The following IPCEF1 variants were observed in gnomAD, a reference collection of about 807,000 sequenced individuals.
The protein encoded by IPCEF1 is interaction protein for cytohesin exchange factors 1, also known as interactor protein for cytohesin exchange factors 1.
A neutral mutation model predicts 50.9 loss-of-function variants in IPCEF1; 31 were observed. That is an observed-to-expected ratio of 0.61 (90% confidence interval 0.46 to 0.82). The LOEUF (loss-of-function observed/expected upper bound fraction) is 0.82, where lower values mean the gene tolerates loss of function less well. Ranked by LOEUF, IPCEF1 falls within the 40% of genes least tolerant of loss-of-function variation. The probability of loss-of-function intolerance (pLI) is 0.00; values close to 1 mark genes in which losing one functional copy is unlikely to be tolerated. For synonymous variants in IPCEF1, 181 were observed against 192.0 expected (o/e 0.94, Z 0.47); for missense variants, 458 against 514.0 (o/e 0.89, Z 1.05).
intron 1 of IPCEF1, among the ~76,000 whole-genome samples, chr6:154,326,329 C>T (rs1052781746): frequency 1.3e-5 from 2 of 152,118 alleles, no homozygotes; most frequent in Admixed American, 6.6e-5. Context: ...CCCATCACCT[C>T]AGCCCAAAAC....
chr6:154,188,852 A>G lies in IPCEF1; in HGVS notation c.910+10816T>C, dbSNP rs112079003. On this transcript the variant is annotated intron_variant, in intron 10 of 11. Coordinates refer to ENST00000367220, the MANE Select transcript of IPCEF1 (RefSeq NM_001130700.2). ...TTGTATCTCATTCATGGAACACATC[A>G]AAATAATTCCAAGTGGACTAACGTT... Among the ~76,000 whole-genome samples the G allele has an allele frequency of 5.4e-3, 829 of 152,338 alleles. 4 individuals are homozygous for G. Among genetic ancestry groups the G allele is most frequent in the Non-Finnish European group, 8.3e-3 (564 of 68,028 alleles).
chr6:154,343,293 C>T (rs985910313), intron 1 of IPCEF1, among the ~76,000 whole-genome samples: 6 of 152,140 alleles, frequency 3.9e-5, no homozygotes, highest in African/African-American at 1.4e-4. Flanking sequence ...AGCATTATGT[C>T]ATGTGCTTCT....
At chr6:154,232,982 T>TA (rs1779840509) in intron 5 of IPCEF1, among the ~76,000 whole-genome samples, 1 of 151,404 alleles carries the variant, frequency 6.6e-6, no homozygotes, top group Admixed American at 6.6e-5. Flanking sequence ...TTTTTTTTTT[T>TA]TTTGAGATGG....
At chr6:154,217,131 T>C (rs1052614809) in intron 7 of IPCEF1, 17 of 164,060 alleles carry the variant, frequency 1.0e-4, no homozygotes, top group East Asian at 9.9e-4. Flanking sequence ...AAGGGTGGAG[T>C]TGGTAGGTAT....
chr6:154,295,833 A>G (rs1382032127), intron 1 of IPCEF1, among the ~76,000 whole-genome samples: 1 of 152,024 alleles, frequency 6.6e-6, no homozygotes, highest in African/African-American at 2.4e-5. Context: ...TCTGACAGCC[A>G]GGAGGTGACT....
intron 1 of IPCEF1, among the ~76,000 whole-genome samples, chr6:154,318,606 C>A (rs568311961): frequency 1.1e-4 from 16 of 150,648 alleles, no homozygotes; most frequent in African/African-American, 3.7e-4. Context: ...AGTCTCAGCA[C>A]TTTGGGAGGC....
chr6:154,194,657 T>C (rs1368205017), intron 10 of IPCEF1, among the ~76,000 whole-genome samples: 2 of 152,126 alleles, frequency 1.3e-5, no homozygotes, highest in Non-Finnish European at 2.9e-5. Flanking sequence ...TCCTAACTCC[T>C]AGCTTCAGGA....
intron 1 of IPCEF1, among the ~76,000 whole-genome samples, chr6:154,325,389 G>C (rs1180349518): frequency 6.6e-6 from 1 of 152,208 alleles, no homozygotes; most frequent in Non-Finnish European, 1.5e-5. Flanking sequence ...AAACTGGTTA[G>C]TGATTGCTTC....
intron 10 of IPCEF1, among the ~76,000 whole-genome samples, chr6:154,179,913 C>A (rs1800686139): frequency 6.6e-6 from 1 of 152,056 alleles, no homozygotes; most frequent in Non-Finnish European, 1.5e-5. Context: ...TGGGATTGTG[C>A]CGAGATTGTA....
chr6:154,319,253 G>A (rs1783311409), intron 1 of IPCEF1, among the ~76,000 whole-genome samples: 1 of 152,070 alleles, frequency 6.6e-6, no homozygotes, highest in Non-Finnish European at 1.5e-5. Flanking sequence ...CATAAGCCAT[G>A]CATGGTAAAT....
chr6:154,337,523 C>T (rs1468274627), intron 1 of IPCEF1, among the ~76,000 whole-genome samples: 2 of 152,112 alleles, frequency 1.3e-5, no homozygotes, highest in African/African-American at 4.8e-5. Context: ...TACCAGGAGA[C>T]AAGACACAAG....
intron 3 of IPCEF1, among the ~76,000 whole-genome samples, 179 bp downstream of exon 3, chr6:154,265,733 G>A (rs1189925330): frequency 6.6e-6 from 1 of 152,090 alleles, no homozygotes; most frequent in Middle Eastern, 3.2e-3. Flanking sequence ...AAATCTAGAG[G>A]TCTTAAATGC....
At chr6:154,211,265 A>G (rs1777938081) in intron 9 of IPCEF1, among the ~76,000 whole-genome samples, 1 of 151,938 alleles carries the variant, frequency 6.6e-6, no homozygotes, top group Non-Finnish European at 1.5e-5. Flanking sequence ...AAATACAAAA[A>G]ATTAGCCGGG....
intron 10 of IPCEF1, among the ~76,000 whole-genome samples, chr6:154,175,689 C>T (rs1474439250): frequency 1.3e-5 from 2 of 151,892 alleles, no homozygotes; most frequent in Non-Finnish European, 2.9e-5. Context: ...AATAGCCTAC[C>T]AACCAAAAAA....
At chr6:154,196,312 C>T (rs768121858) in intron 10 of IPCEF1, among the ~76,000 whole-genome samples, 3 of 152,168 alleles carry the variant, frequency 2.0e-5, no homozygotes, top group Non-Finnish European at 2.9e-5. Context: ...AGATTGTGTA[C>T]AATTTTGTTA....
At chr6:154,279,121 T>G (rs968764336) in intron 2 of IPCEF1, among the ~76,000 whole-genome samples, 4 of 146,292 alleles carry the variant, frequency 2.7e-5, no homozygotes, top group African/African-American at 1.0e-4. Context: ...AGACCCTGTC[T>G]CAAAATAAAA....
intron 2 of IPCEF1, among the ~76,000 whole-genome samples, chr6:154,279,464 G>A (rs749386277): frequency 3.9e-5 from 6 of 152,122 alleles, no homozygotes; most frequent in Non-Finnish European, 7.4e-5. Context: ...TAAGGATATC[G>A]TCCTACTTTT....
At chr6:154,227,858 AC>A (rs1013491539) in intron 5 of IPCEF1, among the ~76,000 whole-genome samples, 1 of 152,158 alleles carries the variant, frequency 6.6e-6, no homozygotes, top group African/African-American at 2.4e-5. Context: ...GGGTGAAAAC[AC>A]CTTAGTGTTT....
chr6:154,169,284 C>G (rs545841394), intron 10 of IPCEF1, among the ~76,000 whole-genome samples: 1 of 152,142 alleles, frequency 6.6e-6, no homozygotes, highest in Non-Finnish European at 1.5e-5. Context: ...TCACTTGAGC[C>G]TGGGAGGTGG....
Sources: allele counts gnomAD v4.1 joint callset (sites outside exome capture counted in the v4.1 genomes callset), GRCh38; gene constraint gnomAD v4.1.1; transcripts MANE v1.5; gene names NCBI Gene and HGNC (gene_info 2026-07-23, HGNC 2026-07-21).